The following DENND3 variants were observed in gnomAD, a reference collection of about 807,000 sequenced individuals.
The protein encoded by DENND3 is DENN domain containing 3.
DENND3 carries 88 observed loss-of-function variants against 135.1 expected under a neutral mutation model. The ratio of observed to expected loss-of-function variants is 0.65; its 90% CI spans 0.55 to 0.78. DENND3 has a LOEUF of 0.78. Among genes scored for constraint, DENND3 ranks in the 30% least tolerant of loss-of-function variants. DENND3 has a pLI of 0.00. For missense variants in DENND3, 1,392 were observed against 1,688.4 expected, an observed-to-expected ratio of 0.82 and a Z score of 3.08; for synonymous variants, 693 against 712.3, an observed-to-expected ratio of 0.97 and a Z score of 0.43.
Position 141,172,196 on chromosome 8 carries a change from GTGTGCACAGTGGA to G in DENND3, c.2276-2991_2276-2979del, listed in dbSNP as rs931113897. Among the ~76,000 whole-genome samples the G allele has an allele frequency of 4.7e-5, 7 of 149,374 alleles. No homozygotes were observed. The South Asian group carries it at 8.5e-4, about 18-fold the overall frequency. On this transcript the variant is annotated intron_variant, in intron 13 of 22. Transcript: ENST00000519811. Reference sequence around the variant, plus strand: ...ACAGTGTGGGTGTACACTGTGGTAGGTGTGCACAGTGGATGTGCACAGTGGCCGTGGGTGTGCA... The same window carrying G: ...ACAGTGTGGGTGTACACTGTGGTAGGTGTGCACAGTGGCCGTGGGTGTGCA...
chr8:141,188,905 C>T, intron 18 of DENND3, 81 bp from the exon 19 acceptor site: 4 of 1,517,428 alleles, frequency 2.6e-6, no homozygotes, highest in Non-Finnish European at 3.5e-6. Flanking sequence ...GCTAATTCAG[C>T]ACGTGCAGTA....
In DENND3 at chr8:141,128,608, C is replaced by A. The variant is rs966168194; in HGVS notation, c.-100C>A. The stretch of plus-strand genomic sequence containing the variant: ...CGCCCCGCAGACGGCGCTCGCAGCG[C>A]CCCCGGCCCCCAGGCGGCGCGGCTG... On this transcript the variant is annotated 5_prime_UTR_variant, in exon 1 of 23. Coordinates refer to ENST00000519811, the MANE Select transcript of DENND3 (RefSeq NM_001352890.3). This position sits in a 1 kb window ranked among gnomAD's most constrained non-coding sequence, Gnocchi z 4.5. 4.6e-6 allele frequency: 3 copies of A among 649,478 alleles called. No individual in the cohort carries two copies. The African/African-American group carries it at 5.9e-5, about 13-fold the overall frequency. The allele number at this position is 649,478 out of a possible 1,614,324, so 40.2% of individuals were successfully genotyped here.
intron 8 of DENND3, among the ~76,000 whole-genome samples, chr8:141,159,328 C>T (rs1338018893): frequency 6.6e-6 from 1 of 152,178 alleles, no homozygotes; most frequent in Non-Finnish European, 1.5e-5. Context: ...AGAAGATTGG[C>T]TCCTGCCGGC....
chr8:141,134,884 G>A (rs1816589354), intron 1 of DENND3, among the ~76,000 whole-genome samples: 1 of 152,162 alleles, frequency 6.6e-6, no homozygotes, highest in Admixed American at 6.5e-5. Flanking sequence ...AGGCTGGACT[G>A]CAGTGGTGAG....
In DENND3 at chr8:141,144,792, G is replaced by A. The variant is rs1220967777; in HGVS notation, c.735+533G>A. Among the ~76,000 whole-genome samples, 1 of 152,078 alleles carries A rather than the reference G, an allele frequency of 6.6e-6. No individual in the cohort carries two copies. The highest frequency in any genetic ancestry group is 1.5e-5 in the Non-Finnish European group (1 of 68,020). On this transcript the variant is annotated intron_variant, in intron 5 of 22. Transcript: ENST00000519811. This position sits in a 1 kb window ranked among gnomAD's most constrained non-coding sequence, Gnocchi z 4.4. Reference sequence around the variant, plus strand: ...CTGTGGCCATAAGATTCCAAATTATGAACAAAACCTAAGGTCACACAAAGC... The same window carrying A: ...CTGTGGCCATAAGATTCCAAATTATAAACAAAACCTAAGGTCACACAAAGC...
rs1029342488 is a variant in DENND3 at position 141,130,361 on chromosome 8, C to T, written c.102+1552C>T. 9.9e-5 allele frequency among the ~76,000 whole-genome samples: 15 copies of T among 151,888 alleles called. No homozygotes were observed. The South Asian group carries it at 1.5e-3, about 15-fold the overall frequency. On this transcript the variant is annotated intron_variant, in intron 1 of 22. Coordinates refer to ENST00000519811, the MANE Select transcript of DENND3 (RefSeq NM_001352890.3). The surrounding 1 kb of genome is among the most constrained non-coding windows in gnomAD (Gnocchi z 4.2). ...CTGGGATTACAGGCGTGAGCCACTG[C>T]GCCTGGCCAGTGGTGCATTCCTGAA...
intron 18 of DENND3, among the ~76,000 whole-genome samples, chr8:141,185,806 CAG>C (rs1255178795): frequency 2.0e-5 from 3 of 151,664 alleles, no homozygotes; most frequent in East Asian, 1.9e-4. Context: ...GCCTGGGTGA[CAG>C]AGCCATACCC....
chr8:141,190,372 G>A lies in DENND3; in HGVS notation c.3334G>A (p.Gly1112Ser). 6.2e-7 allele frequency: 1 copy of A among 1,613,016 alleles called. No individual in the cohort carries two copies. The highest frequency in any genetic ancestry group is 8.5e-7 in the Non-Finnish European group (1 of 1,179,866). ...QVTSRFQLPRGGLTSIRLHGG... is the reference protein window; with the variant it reads ...QVTSRFQLPRSGLTSIRLHGG... Reference sequence around the variant, plus strand: ...GACCAGCCGCTTCCAGCTGCCGCGAGGTGGCCTGACGTCCATCAGACTGCA... The same window carrying A: ...GACCAGCCGCTTCCAGCTGCCGCGAAGTGGCCTGACGTCCATCAGACTGCA... The change falls in exon 20 of 23, where the codon GGT becomes AGT. Residue 1112 changes from glycine (G) to serine (S), a missense_variant. By Grantham distance (56) the Gly-to-Ser change is moderately conservative. Transcript: ENST00000519811.
In DENND3 at chr8:141,130,181, G is replaced by GA. The variant is rs1392828198; in HGVS notation, c.102+1374dup. Among the ~76,000 whole-genome samples the GA allele has an allele frequency of 2.0e-5, 3 of 152,128 alleles. No individual in the cohort carries two copies. The highest frequency in any genetic ancestry group is 4.4e-5 in the Non-Finnish European group (3 of 68,016). On this transcript the variant is annotated intron_variant, in intron 1 of 22. Coordinates refer to ENST00000519811, the MANE Select transcript of DENND3 (RefSeq NM_001352890.3). This position sits in a 1 kb window ranked among gnomAD's most constrained non-coding sequence, Gnocchi z 4.2. ...GACACATGTCTTTTGAGGGCAGGGC[G>GA]AATCAACTGGAATATTTGCAGTGGT...
Position 141,175,221 on chromosome 8 carries a change from C to T in DENND3, c.2297C>T (p.Pro766Leu), listed in dbSNP as rs1822174706. 2 of 1,613,880 alleles carry T rather than the reference C, an allele frequency of 1.2e-6. No homozygotes were observed. Among genetic ancestry groups the T allele is most frequent in the Non-Finnish European group, 8.5e-7 (1 of 1,179,932 alleles). The change falls in exon 14 of 23, where the codon CCA (proline) becomes CTA (leucine). Residue 766 changes from proline (P) to leucine (L), a missense_variant. Transcript: ENST00000519811. The surrounding 1 kb of genome is among the most constrained non-coding windows in gnomAD (Gnocchi z 5.4). ...LTVGQEKQID[P>L]ETFKDFYNCW... ...TAAGGACAGGAGAAACAAATCGACC[C>T]AGAAACATTCAAAGATTTCTACAAC...
chr8:141,136,848 G>A, intron 2 of DENND3, 57 bp downstream of exon 2: 2 of 1,469,240 alleles, frequency 1.4e-6, no homozygotes, highest in African/African-American at 1.4e-5. Context: ...ACCCAGAGTG[G>A]TCTATTCCCA....
chr8:141,163,422 A>T lies in DENND3; in HGVS notation c.1442A>T (p.Tyr481Phe). 1 of 1,610,076 alleles carries T rather than the reference A, an allele frequency of 6.2e-7. No individual in the cohort carries two copies. The highest frequency in any genetic ancestry group is 8.5e-7 in the Non-Finnish European group (1 of 1,176,376). Residue 481 changes from tyrosine (Y) to phenylalanine (F), a missense_variant, in exon 10 of 23, where the codon TAT becomes TTT. Transcript: ENST00000519811. ...AGGGCTCCAGGGGACCATCAGTTTT[A>T]TAAGCAGGTGAGAGCTGTGGGATTT... ...KTRAPGDHQF[Y>F]KQVLDTYMFH... is the part of the protein sequence containing the mutation.
At position 141,152,902 on chromosome 8, in the gene DENND3, C is replaced by T. The variant is rs564180103; in HGVS notation, c.1074+1065C>T. Among the ~76,000 whole-genome samples, 3 of 152,248 alleles carry T rather than the reference C, an allele frequency of 2.0e-5. No homozygotes were observed. In the East Asian group the frequency reaches 5.8e-4, roughly 29 times the overall value. The stretch of plus-strand genomic sequence containing the variant: ...GTTCTAGCTTCTCCTAACGTCCGCG[C>T]CAGCGCTGGTTGTTGTCTGCCATTT... On this transcript the variant is annotated intron_variant, in intron 7 of 22. Coordinates refer to ENST00000519811, the MANE Select transcript of DENND3 (RefSeq NM_001352890.3).
In DENND3 at chr8:141,174,720, C is replaced by A. The variant is rs983054710; in HGVS notation, c.2276-480C>A. On this transcript the variant is annotated intron_variant, in intron 13 of 22. Coordinates refer to ENST00000519811, the MANE Select transcript of DENND3 (RefSeq NM_001352890.3). This position sits in a 1 kb window ranked among gnomAD's most constrained non-coding sequence, Gnocchi z 4.6. ...AAGAGTGTGGAGGTCGGGCCAGTTA[C>A]AGGAGAGGCCGACCCAGTGGCAGGG... 1.3e-5 allele frequency among the ~76,000 whole-genome samples: 2 copies of A among 151,710 alleles called. No homozygotes were observed. Among genetic ancestry groups the A allele is most frequent in the African/African-American group, 4.8e-5 (2 of 41,242 alleles).
In DENND3 at chr8:141,166,385, CGCAGGTGAGGGCT is replaced by C; in HGVS notation, c.1752_1753+11del. On this transcript the variant is annotated splice_donor_variant and splice_donor_5th_base_variant and coding_sequence_variant and intron_variant, in exon 12 of 23. Transcript: ENST00000519811. LOFTEE classifies it high-confidence loss of function. This position sits in a 1 kb window ranked among gnomAD's most constrained non-coding sequence, Gnocchi z 4.3. ...ACACCGCAGGCTGTAGGGGCAGCAG[CGCAGGTGAGGGCT>C]GCCCCCCACTGTGGTGCTGTGTGTC... 6.2e-7 allele frequency: 1 copy of C among 1,610,884 alleles called. No homozygotes were observed. The highest frequency in any genetic ancestry group is 8.5e-7 in the Non-Finnish European group (1 of 1,179,688).
Position 141,141,376 on chromosome 8 carries a change from TC to T in DENND3, c.623+53del. 6.9e-7 allele frequency: 1 copy of T among 1,452,350 alleles called. No individual in the cohort carries two copies. Among genetic ancestry groups the T allele is most frequent in the Non-Finnish European group, 9.2e-7 (1 of 1,081,454 alleles). The allele number at this position is 1,452,350 out of a possible 1,614,324, so 90.0% of individuals were successfully genotyped here. ...GTGGTAGGGGGCAGCTCTTTGTGCC[TC>T]TCCAGGTGAGCCAAGGGACCAGGGG... On this transcript the variant is annotated intron_variant, in intron 4 of 22. Coordinates refer to ENST00000519811, the MANE Select transcript of DENND3 (RefSeq NM_001352890.3). The surrounding 1 kb of genome is among the most constrained non-coding windows in gnomAD (Gnocchi z 5.3).
rs1425951247 is a variant in DENND3 at position 141,175,864 on chromosome 8, A to G, written c.2535+405A>G. 2 of 268,104 alleles carry G rather than the reference A, an allele frequency of 7.5e-6. No homozygotes were observed. The highest frequency in any genetic ancestry group is 2.2e-5 in the African/African-American group (1 of 45,316). 16.6% of individuals were successfully genotyped at this position (268,104 alleles called of 1,614,324 possible). ...ACAGTAGCTCACATTTTCTAGTCAC[A>G]GTCGGACCTGGTTCATATAAAACAT... On this transcript the variant is annotated intron_variant, in intron 14 of 22. Coordinates refer to ENST00000519811, the MANE Select transcript of DENND3 (RefSeq NM_001352890.3). This position sits in a 1 kb window ranked among gnomAD's most constrained non-coding sequence, Gnocchi z 5.4.
rs1395639994 is a variant in DENND3 at position 141,182,252 on chromosome 8, T to C, written c.2944+1398T>C. The C allele has an allele frequency of 1.0e-6, 1 of 966,002 alleles. No individual in the cohort carries two copies. The highest frequency in any genetic ancestry group is 1.1e-4 in the East Asian group (1 of 8,726). The allele number at this position is 966,002 out of a possible 1,614,324, so 59.8% of individuals were successfully genotyped here. On this transcript the variant is annotated intron_variant, in intron 17 of 22. Coordinates refer to ENST00000519811, the MANE Select transcript of DENND3 (RefSeq NM_001352890.3). This position sits in a 1 kb window ranked among gnomAD's most constrained non-coding sequence, Gnocchi z 5.9. ...GGCCATTCACACACGGAGCTCATGCTTCAGGTGGGCAGAGAAGCTGTGTGT... is the reference window on the plus strand; with the variant it reads ...GGCCATTCACACACGGAGCTCATGCCTCAGGTGGGCAGAGAAGCTGTGTGT...
intron 13 of DENND3, among the ~76,000 whole-genome samples, chr8:141,169,176 T>TTAACGACAGTGGTCAGG (rs1821178849): frequency 6.6e-6 from 1 of 152,216 alleles, no homozygotes; most frequent in Admixed American, 6.5e-5. Flanking sequence ...TTTTAAATGC[T>TTAACGACAGTGGTCAGG]TAACGACAGT....
Sources: allele counts gnomAD v4.1 joint callset (sites outside exome capture counted in the v4.1 genomes callset), GRCh38; gene constraint gnomAD v4.1.1; non-coding constraint Gnocchi (gnomAD v3.1); transcripts MANE v1.5; gene names NCBI Gene and HGNC (gene_info 2026-07-23, HGNC 2026-07-21).